The following SPATA22 variants were observed in gnomAD, a reference collection of about 807,000 sequenced individuals.
SPATA22 encodes spermatogenesis-associated protein 22.
SPATA22 carries 29 observed loss-of-function variants against 47.8 expected under a neutral mutation model. The ratio of observed to expected loss-of-function variants is 0.61; its 90% CI spans 0.45 to 0.83. SPATA22 has a LOEUF of 0.83. Among genes scored for constraint, SPATA22 ranks in the 40% least tolerant of loss-of-function variants. SPATA22 has a pLI of 0.00. For synonymous variants in SPATA22, 133 were observed against 140.9 expected, an observed-to-expected ratio of 0.94 and a Z score of 0.40; for missense variants, 410 against 421.7, an observed-to-expected ratio of 0.97 and a Z score of 0.24.
intron 1 of SPATA22, among the ~76,000 whole-genome samples, chr17:3,491,730 AGAGT>A (rs1260942535): frequency 6.6e-6 from 1 of 152,046 alleles, no homozygotes; most frequent in African/African-American, 2.4e-5. Flanking sequence ...CCTCGGTGAC[AGAGT>A]GAGACTGTCT....
chr17:3,452,336 G>A (rs1352306166), intron 5 of SPATA22, among the ~76,000 whole-genome samples: 1 of 150,314 alleles, frequency 6.7e-6, no homozygotes, highest in Non-Finnish European at 1.5e-5. Context: ...GCTCATACCT[G>A]TAATCCCAGC....
At chr17:3,470,064 G>C (rs1274014213) in intron 1 of SPATA22, among the ~76,000 whole-genome samples, 1 of 133,210 alleles carries the variant, frequency 7.5e-6, no homozygotes, top group African/African-American at 3.0e-5. Flanking sequence ...CTGCACTCCA[G>C]CCTGGGCAAC....
intron 1 of SPATA22, among the ~76,000 whole-genome samples, chr17:3,507,974 T>C (rs967147746): frequency 7.2e-5 from 11 of 152,180 alleles, no homozygotes; most frequent in African/African-American, 2.7e-4. Context: ...GACTAACGCC[T>C]ATTAAGCTAG....
chr17:3,440,160 A>G lies in SPATA22; in HGVS notation c.1079T>C (p.Met360Thr). 6.4e-7 allele frequency: 1 copy of G among 1,558,034 alleles called. No homozygotes were observed. The highest frequency in any genetic ancestry group is 8.7e-7 in the Non-Finnish European group (1 of 1,152,040). The change falls in exon 9 of 9, where the codon ATG becomes ACG. Residue 360 changes from methionine to threonine, a missense_variant. Coordinates refer to ENST00000572969, the MANE Select transcript of SPATA22 (RefSeq NM_001170698.2). ...DVEMQYYINV[M>T]NET ...TTTTATCACTACTTAAGTTTCATTC[A>G]TCACATTAATATAATACTGCATCTC...
intron 1 of SPATA22, among the ~76,000 whole-genome samples, chr17:3,486,458 C>T (rs2073723750): frequency 6.6e-6 from 1 of 152,174 alleles, no homozygotes; most frequent in Non-Finnish European, 1.5e-5. Flanking sequence ...ATAGACATTT[C>T]ACGAGCTGTT....
chr17:3,499,189 C>G (rs990214187), intron 1 of SPATA22: 13 of 1,271,592 alleles, frequency 1.0e-5, no homozygotes, highest in African/African-American at 1.5e-5. Flanking sequence ...GCATACATAG[C>G]TCCTAGCACA....
At chr17:3,504,529 G>GAA (rs55996481) in intron 1 of SPATA22, among the ~76,000 whole-genome samples, 86 of 143,530 alleles carry the variant, frequency 6.0e-4, no homozygotes, top group Admixed American at 1.7e-3. Flanking sequence ...AAATCCATGG[G>GAA]AAAAAAAAAA....
At position 3,505,513 on chromosome 17, in the gene SPATA22, G is replaced by A. The variant is rs565531657; in HGVS notation, c.-74+7899C>T. 5.9e-5 allele frequency among the ~76,000 whole-genome samples: 9 copies of A among 152,238 alleles called. No homozygotes were observed. The South Asian group carries it at 1.9e-3, about 32-fold the overall frequency. ...AGCCACTGGAGACCACAGAGAGTGG[G>A]AATGGTGAACCACATACAGGCAGTG... On this transcript the variant is annotated intron_variant, in intron 1 of 8. Coordinates refer to the SPATA22 transcript ENST00000541913.
chr17:3,446,828 T>G (rs1246866175), intron 6 of SPATA22, among the ~76,000 whole-genome samples: 1 of 152,144 alleles, frequency 6.6e-6, no homozygotes, highest in Non-Finnish European at 1.5e-5. Flanking sequence ...ATTATTTATA[T>G]AGGTATTCAT....
In SPATA22 at chr17:3,488,657, G is replaced by A. The variant is rs74397580; in HGVS notation, c.-73-19259C>T. Among the ~76,000 whole-genome samples, 1 of 151,902 alleles carries A rather than the reference G, an allele frequency of 6.6e-6. No homozygotes were observed. The highest frequency in any genetic ancestry group is 2.4e-5 in the African/African-American group (1 of 41,334). On this transcript the variant is annotated intron_variant, in intron 1 of 8. Coordinates refer to the SPATA22 transcript ENST00000541913. This position sits in a 1 kb window ranked among gnomAD's most constrained non-coding sequence, Gnocchi z 6.1. ...GGGTGACAGAGTGAGACTCTGTCTC[G>A]AAAAAATAAATAAATAAATAAAACC... is the stretch of plus-strand genomic sequence containing the variant.
rs534413456 is a variant in SPATA22, at chr17:3,496,819, C to T, written c.-74+16593G>A. On this transcript the variant is annotated intron_variant, in intron 1 of 8. Coordinates refer to the SPATA22 transcript ENST00000541913. ...CGGTGGCTCACGCCTGTAATCCCAG[C>T]GCTTTGGGAGGCCGAGGCGGGCGGA... Among the ~76,000 whole-genome samples, 11 of 152,328 alleles carry T rather than the reference C, an allele frequency of 7.2e-5. No homozygotes were observed. In the East Asian group the frequency reaches 9.6e-4, roughly 13 times the overall value.
intron 1 of SPATA22, among the ~76,000 whole-genome samples, chr17:3,486,004 C>T (rs2073714454): frequency 1.3e-5 from 2 of 151,076 alleles, no homozygotes; most frequent in African/African-American, 4.9e-5. Flanking sequence ...ACAATCTCGG[C>T]TCACTGCAAC....
At chr17:3,499,394 A>G (rs552125645) in intron 1 of SPATA22, 1 of 204,664 alleles carries the variant, frequency 4.9e-6, no homozygotes, top group South Asian at 1.4e-4. Context: ...TGAAATAGAT[A>G]TATATAAAGT....
intron 3 of SPATA22, among the ~76,000 whole-genome samples, chr17:3,464,669 GCGA>G (rs2073234098): frequency 6.7e-6 from 1 of 148,286 alleles, no homozygotes; most frequent in African/African-American, 2.5e-5. Flanking sequence ...CTGCCCGGCC[GCGA>G]CCCCGTCTGG....
chr17:3,446,379 G>A (rs1240822489), intron 7 of SPATA22, 93 bp downstream of exon 7: 16 of 1,289,160 alleles, frequency 1.2e-5, no homozygotes, highest in Non-Finnish European at 1.1e-6. Flanking sequence ...GCAAAAAGCA[G>A]ACTGTTTTAT....
chr17:3,499,367 T>C, intron 1 of SPATA22: 1 of 251,682 alleles, frequency 4.0e-6, no homozygotes, highest in Non-Finnish European at 7.5e-6. Context: ...ACAGCCTTTG[T>C]ATTCAGAATA....
intron 8 of SPATA22, chr17:3,440,569 G>C (rs2072576528): frequency 3.0e-6 from 1 of 335,638 alleles, no homozygotes; most frequent in African/African-American, 2.1e-5. Flanking sequence ...GCAAGTTGTT[G>C]CTTCATCAAA....
chr17:3,492,526 A>G (rs1374908799), intron 1 of SPATA22, among the ~76,000 whole-genome samples: 4 of 152,198 alleles, frequency 2.6e-5, no homozygotes, highest in East Asian at 1.9e-4. Flanking sequence ...GTTCAGAGAT[A>G]GAGTCTATTT....
At chr17:3,455,298 C>T (rs982309513) in intron 5 of SPATA22, among the ~76,000 whole-genome samples, 1 of 151,948 alleles carries the variant, frequency 6.6e-6, no homozygotes, top group Non-Finnish European at 1.5e-5. Context: ...TCTTTAGTTT[C>T]ATTAGATCCC....
Sources: gnomAD v4.1 joint callset for allele counts (sites outside exome capture counted in the v4.1 genomes callset) on GRCh38, gnomAD v4.1.1 for gene constraint, Gnocchi (gnomAD v3.1) non-coding constraint, MANE v1.5 for transcripts, NCBI Gene and HGNC (gene_info 2026-07-23, HGNC 2026-07-21) for gene names.